Variants in HECW2 observed in about 807,000 individuals in gnomAD.
The protein encoded by HECW2 is HECT, C2 and WW domain containing E3 ubiquitin protein ligase 2.
HECW2 carries 61 observed loss-of-function variants against 175.2 expected under a neutral mutation model. The observed-to-expected ratio is 0.35, with a 90% confidence interval of 0.28 to 0.43. The LOEUF (loss-of-function observed/expected upper bound fraction) is 0.43, where lower values mean the gene tolerates loss of function less well. HECW2 is among the 20% of genes least tolerant of loss of function. HECW2 has a pLI of 1.00. For missense variants in HECW2, 1,524 were observed against 2,000.5 expected, an observed-to-expected ratio of 0.76 and a Z score of 4.54; for synonymous variants, 671 against 731.0, an observed-to-expected ratio of 0.92 and a Z score of 1.32.
At position 196,220,939 on chromosome 2, in the gene HECW2, T is replaced by G. The variant is rs146821097; in HGVS notation, c.4149A>C (p.Ile1383=). 2.0e-5 allele frequency: 33 copies of G among 1,613,700 alleles called. No homozygotes were observed. The Admixed American group carries it at 4.7e-4, about 23-fold the overall frequency. The stretch of plus-strand genomic sequence containing the variant: ...CCCCTGGCTTTAATTCTCGTTCAGT[T>G]ATCTGAGATTACAAAATAAAAAGAA... ...FTVNEEVFGQ[I]TERELKPGGA... Residue 1383 remains isoleucine, a splice_region_variant and synonymous_variant, in exon 25 of 29, where the codon ATA becomes ATC. Transcript: ENST00000644978.
chr2:196,302,257 T>C (rs1024911654), intron 13 of HECW2, among the ~76,000 whole-genome samples: 2 of 152,218 alleles, frequency 1.3e-5, no homozygotes, highest in African/African-American at 4.8e-5. Context: ...GTGTCTGTTT[T>C]TGTATCAGTA....
intron 1 of HECW2, among the ~76,000 whole-genome samples, chr2:196,496,731 T>C (rs750721733): frequency 3.3e-5 from 5 of 152,234 alleles, no homozygotes; most frequent in Non-Finnish European, 7.3e-5. Context: ...TATGAAATAC[T>C]ATATAACCTC....
chr2:196,436,915 G>A (rs1179621811), intron 1 of HECW2, among the ~76,000 whole-genome samples: 1 of 152,092 alleles, frequency 6.6e-6, no homozygotes, highest in Non-Finnish European at 1.5e-5. Context: ...AATTTGTGGG[G>A]ACAATAAATG....
rs564455566 is a variant in HECW2 at position 196,512,596 on chromosome 2, C to G, written c.-35-79138G>C. On this transcript the variant is annotated intron_variant, in intron 1 of 28. Coordinates refer to ENST00000644978, the MANE Select transcript of HECW2 (RefSeq NM_001348768.2). Reference sequence around the variant, plus strand: ...GCATAGATGAGGTCTCACTATGTTGCTCTAGCTGGTCTTGAACTCCTGGCC... The same window carrying G: ...GCATAGATGAGGTCTCACTATGTTGGTCTAGCTGGTCTTGAACTCCTGGCC... Among the ~76,000 whole-genome samples, 9 of 152,128 alleles carry G rather than the reference C, an allele frequency of 5.9e-5. No individual in the cohort carries two copies. The East Asian group carries it at 1.2e-3, about 20-fold the overall frequency.
chr2:196,490,791 G>A (rs1285995289), intron 1 of HECW2, among the ~76,000 whole-genome samples: 12 of 152,178 alleles, frequency 7.9e-5, no homozygotes, highest in Non-Finnish European at 4.4e-5. Flanking sequence ...GAAGGAAGTA[G>A]TGATACATGC....
chr2:196,242,225 AG>A, intron 19 of HECW2, 21 bp from the exon 20 acceptor site: 2 of 1,613,876 alleles, frequency 1.2e-6, no homozygotes, highest in Non-Finnish European at 1.7e-6. Flanking sequence ...CCACAAAGAG[AG>A]GACAATCTGG....
chr2:196,418,056 AATAGT>A (rs1251730042), intron 2 of HECW2, among the ~76,000 whole-genome samples: 3 of 152,222 alleles, frequency 2.0e-5, no homozygotes, highest in Non-Finnish European at 2.9e-5. Context: ...ATTTGAGTCT[AATAGT>A]ATAGCTTAGT....
intron 2 of HECW2, among the ~76,000 whole-genome samples, chr2:196,345,216 G>A (rs17830135): frequency 0.047 from 7,199 of 152,272 alleles, 206 homozygotes; most frequent in African/African-American, 0.06. Flanking sequence ...CTGATACTTA[G>A]ATGGTACTCG....
intron 2 of HECW2, among the ~76,000 whole-genome samples, chr2:196,413,200 A>G (rs1695162671): frequency 6.6e-6 from 1 of 152,168 alleles, no homozygotes; most frequent in Admixed American, 6.5e-5. Context: ...AAAAAAATTA[A>G]AAAATTAGCC....
chr2:196,329,518 C>T, intron 5 of HECW2, 57 bp downstream of exon 5: 1 of 1,404,876 alleles, frequency 7.1e-7, no homozygotes, highest in Non-Finnish European at 1.0e-6. Context: ...AGTGACTATT[C>T]ATACCTTCGA....
At chr2:196,422,399 G>C (rs1695430236) in intron 2 of HECW2, among the ~76,000 whole-genome samples, 1 of 152,112 alleles carries the variant, frequency 6.6e-6, no homozygotes, top group Non-Finnish European at 1.5e-5. Flanking sequence ...AAGTATTTAA[G>C]AGCTAGCATA....
chr2:196,530,181 C>T (rs1018847871), intron 1 of HECW2, among the ~76,000 whole-genome samples: 2 of 152,220 alleles, frequency 1.3e-5, no homozygotes, highest in Non-Finnish European at 2.9e-5. Flanking sequence ...CCCAAAACCT[C>T]CCACTCTTAC....
chr2:196,549,981 G>A (rs566503839), intron 1 of HECW2, among the ~76,000 whole-genome samples: 1 of 152,320 alleles, frequency 6.6e-6, no homozygotes, highest in South Asian at 2.1e-4. Context: ...GCAGGGTCTG[G>A]CTGACAAGCT....
At chr2:196,501,645 C>T (rs970376397) in intron 1 of HECW2, among the ~76,000 whole-genome samples, 1 of 152,114 alleles carries the variant, frequency 6.6e-6, no homozygotes, top group East Asian at 1.9e-4. Flanking sequence ...TATGACAGCA[C>T]AGTTTCTCCT....
At chr2:196,248,797 T>C (rs1688752470) in intron 19 of HECW2, among the ~76,000 whole-genome samples, 1 of 152,148 alleles carries the variant, frequency 6.6e-6, no homozygotes, top group South Asian at 2.1e-4. Context: ...GGGCACACAA[T>C]GTGGTGGGAG....
intron 17 of HECW2, among the ~76,000 whole-genome samples, chr2:196,258,844 G>C (rs568207686): frequency 1.3e-5 from 2 of 152,126 alleles, no homozygotes; most frequent in Non-Finnish European, 2.9e-5. Flanking sequence ...GAGTGCTATG[G>C]ACAATATATT....
At chr2:196,383,044 A>T (rs917272997) in intron 2 of HECW2, among the ~76,000 whole-genome samples, 1 of 152,198 alleles carries the variant, frequency 6.6e-6, no homozygotes, top group Admixed American at 6.5e-5. Context: ...CAGTCAGAAG[A>T]GTGGTTCAAG....
At chr2:196,203,789 G>A (rs930444168) in intron 28 of HECW2, among the ~76,000 whole-genome samples, 1 of 151,992 alleles carries the variant, frequency 6.6e-6, no homozygotes, top group Admixed American at 6.6e-5. Flanking sequence ...ACGTTATTTT[G>A]CAACCATCAT....
chr2:196,503,756 T>A (rs1182309783), intron 1 of HECW2, among the ~76,000 whole-genome samples: 4 of 152,196 alleles, frequency 2.6e-5, no homozygotes, highest in South Asian at 2.1e-4. Flanking sequence ...TCAAGGCCAG[T>A]TCTGCCCATC....
Sources: gnomAD v4.1 joint callset for allele counts (sites outside exome capture counted in the v4.1 genomes callset) on GRCh38, gnomAD v4.1.1 for gene constraint, MANE v1.5 for transcripts, NCBI Gene and HGNC (gene_info 2026-07-23, HGNC 2026-07-21) for gene names.